The following CLPB variants were observed in gnomAD, a reference collection of about 807,000 sequenced individuals.
CLPB encodes ClpB family mitochondrial disaggregase.
In CLPB, 40 loss-of-function variants were observed where a neutral mutation model predicts 78.4. The ratio of observed to expected loss-of-function variants is 0.51; its 90% CI spans 0.40 to 0.66. CLPB has a LOEUF of 0.66. Among genes scored for constraint, CLPB ranks in the 30% least tolerant of loss-of-function variants. The probability of loss-of-function intolerance (pLI) is 0.00; values close to 1 mark genes in which losing one functional copy is unlikely to be tolerated. For synonymous variants in CLPB, 333 were observed against 348.0 expected (o/e 0.96, Z 0.48); for missense variants, 780 against 886.9 (o/e 0.88, Z 1.53).
chr11:72,408,173 G>A (rs1373817970), intron 2 of CLPB: 1 of 1,535,556 alleles, frequency 6.5e-7, no homozygotes, highest in Admixed American at 2.0e-5. Flanking sequence ...CCAGCTTCTT[G>A]ACTGAGCATC....
chr11:72,319,496 G>C (rs1242905049), intron 6 of CLPB, among the ~76,000 whole-genome samples: 1 of 152,124 alleles, frequency 6.6e-6, no homozygotes, highest in Non-Finnish European at 1.5e-5. Context: ...CTCTTCTTTT[G>C]GCTCACAGTG....
chr11:72,405,720 A>G (rs1208846862), intron 2 of CLPB, among the ~76,000 whole-genome samples: 1 of 152,124 alleles, frequency 6.6e-6, no homozygotes, highest in Non-Finnish European at 1.5e-5. Context: ...CGAGGTCAGG[A>G]GATCGAGACC....
chr11:72,397,500 A>G (rs1855442137), intron 3 of CLPB, among the ~76,000 whole-genome samples: 1 of 152,172 alleles, frequency 6.6e-6, no homozygotes, highest in African/African-American at 2.4e-5. Flanking sequence ...TCAGTGATGT[A>G]TCAATATTGT....
intron 1 of CLPB, among the ~76,000 whole-genome samples, chr11:72,430,805 A>G (rs755299483): frequency 1.2e-4 from 18 of 152,214 alleles, no homozygotes; most frequent in Non-Finnish European, 1.6e-4. Context: ...CCCAAAAGGA[A>G]AGGTAGAATG....
chr11:72,293,586 T>A lies in CLPB; in HGVS notation c.1815A>T (p.Ala605=), dbSNP rs935880007. Residue 605 remains alanine (A), a synonymous_variant, in exon 16 of 16, where the codon GCA becomes GCT. Coordinates refer to ENST00000538039, the MANE Select transcript of CLPB (RefSeq NM_001258392.3). The part of the protein sequence containing the change: ...EVERRVVNQL[A]AAYEQDLLPG... The stretch of plus-strand genomic sequence containing the variant: ...GCAGCAGGTCCTGCTCATAGGCTGC[T>A]GCCAGCTGGTTCACCACACGGCGTT... 14 of 1,613,588 alleles carry A rather than the reference T, an allele frequency of 8.7e-6. No individual in the cohort carries two copies. Among genetic ancestry groups the A allele is most frequent in the African/African-American group, 1.3e-5 (1 of 74,890 alleles).
chr11:72,405,269 T>C lies in CLPB; in HGVS notation c.456-2217A>G, dbSNP rs892135074. 2.6e-5 allele frequency among the ~76,000 whole-genome samples: 4 copies of C among 152,150 alleles called. No homozygotes were observed. In the East Asian group the frequency reaches 7.7e-4, roughly 29 times the overall value. ...TTAGGCAGCTCCATCTGGGTGACAG[T>C]TCACAGCAGAGAAACAGACAGCTGC... On this transcript the variant is annotated intron_variant, in intron 2 of 15. Transcript: ENST00000538039.
chr11:72,302,444 C>T, intron 9 of CLPB, 96 bp from the exon 10 acceptor site: 1 of 986,990 alleles, frequency 1.0e-6, no homozygotes. Flanking sequence ...CCAAGGCTTT[C>T]ACACCACACC....
rs1169966030 is a variant in CLPB, at chr11:72,434,217, G to A, written c.258C>T (p.Ala86=). 1.2e-6 allele frequency: 2 copies of A among 1,613,626 alleles called. No homozygotes were observed. The highest frequency in any genetic ancestry group is 1.3e-5 in the African/African-American group (1 of 75,056). ...GRFDTKCLAA[A]TWGRLPGPEE... is the part of the protein sequence containing the mutation. ...CGGGACCAGGAAGGCGTCCCCAAGT[G>A]GCAGCCGCGAGGCATTTGGTATCGA... The change falls in exon 1 of 16, where the codon GCC becomes GCT. Residue 86 remains alanine (A), a synonymous_variant. Transcript: ENST00000538039.
chr11:72,384,825 G>A (rs1020227058), intron 3 of CLPB, among the ~76,000 whole-genome samples: 1 of 152,086 alleles, frequency 6.6e-6, no homozygotes, highest in Non-Finnish European at 1.5e-5. Context: ...TAATAAAGGG[G>A]TCAATTAATC....
intron 2 of CLPB, 89 bp downstream of exon 2, chr11:72,430,223 T>A: frequency 7.9e-7 from 1 of 1,269,090 alleles, no homozygotes; most frequent in Non-Finnish European, 1.1e-6. Context: ...GGGTAAGGAT[T>A]TCCTCCAAAG....
intron 5 of CLPB, among the ~76,000 whole-genome samples, chr11:72,331,708 G>A (rs2135553482): frequency 6.6e-6 from 1 of 151,688 alleles, no homozygotes; most frequent in East Asian, 2.0e-4. Flanking sequence ...TGAATAGCTA[G>A]GATCACAGGC....
intron 4 of CLPB, chr11:72,373,142 C>T: frequency 1.5e-6 from 1 of 678,756 alleles, no homozygotes; most frequent in East Asian, 2.7e-5. Flanking sequence ...GGCCCTATGC[C>T]AACCCAGCTT....
At chr11:72,405,789 G>T (rs1040353789) in intron 2 of CLPB, among the ~76,000 whole-genome samples, 1 of 152,108 alleles carries the variant, frequency 6.6e-6, no homozygotes, top group African/African-American at 2.4e-5. Flanking sequence ...TTAGCCGGGC[G>T]TGGTGGCAGG....
chr11:72,383,566 T>C (rs1228585172), intron 3 of CLPB, among the ~76,000 whole-genome samples: 1 of 150,084 alleles, frequency 6.7e-6, no homozygotes, highest in African/African-American at 2.4e-5. Context: ...TAAAGAAGGA[T>C]TCTGAAAGCA....
At chr11:72,388,606 C>T (rs997779000) in intron 3 of CLPB, among the ~76,000 whole-genome samples, 29 of 152,224 alleles carry the variant, frequency 1.9e-4, no homozygotes, top group African/African-American at 6.7e-4. Flanking sequence ...GGGGTATAGA[C>T]AGGGCTAAAG....
At chr11:72,308,303 C>T (rs1235464477) in intron 8 of CLPB, among the ~76,000 whole-genome samples, 1 of 152,184 alleles carries the variant, frequency 6.6e-6, no homozygotes, top group African/African-American at 2.4e-5. Flanking sequence ...CTTAGCACCA[C>T]AACTTCCAGA....
chr11:72,317,726 T>C (rs1450693404), intron 6 of CLPB, among the ~76,000 whole-genome samples: 1 of 152,250 alleles, frequency 6.6e-6, no homozygotes, highest in African/African-American at 2.4e-5. Flanking sequence ...TTATGCTGCA[T>C]TTCAATTAAA....
chr11:72,353,607 G>T (rs1950653987), intron 5 of CLPB, among the ~76,000 whole-genome samples: 1 of 152,170 alleles, frequency 6.6e-6, no homozygotes, highest in Non-Finnish European at 1.5e-5. Flanking sequence ...GAGCATTGCA[G>T]CAAAGGAGAT....
At chr11:72,369,528 C>G (rs1951004052) in intron 4 of CLPB, among the ~76,000 whole-genome samples, 4 of 152,130 alleles carry the variant, frequency 2.6e-5, no homozygotes, top group Admixed American at 1.3e-4. Flanking sequence ...GGCAGCTATG[C>G]TACTTGGTTG....
Sources: allele counts gnomAD v4.1 joint callset (sites outside exome capture counted in the v4.1 genomes callset), GRCh38; gene constraint gnomAD v4.1.1; transcripts MANE v1.5; gene names NCBI Gene and HGNC (gene_info 2026-07-23, HGNC 2026-07-21).